The following LMBR1L variants were observed in gnomAD, a reference collection of about 807,000 sequenced individuals.
LMBR1L encodes protein LMBR1L.
A neutral mutation model predicts 67.3 loss-of-function variants in LMBR1L; 47 were observed. The observed-to-expected ratio is 0.70, with a 90% CI of 0.55 to 0.89. The LOEUF is 0.89. Ranked by LOEUF, LMBR1L falls within the 40% of genes least tolerant of loss-of-function variation. LMBR1L has a pLI of 0.00. For missense variants in LMBR1L, 533 were observed against 599.2 expected (o/e 0.89, Z 1.15); for synonymous variants, 247 against 250.3 (o/e 0.99, Z 0.13).
Position 49,100,591 on chromosome 12 carries a change from G to C in LMBR1L, c.1138C>G (p.Leu380Val). ...GFYSSPLFRSLRPRWHDTAMT... is the reference protein window; with the variant it reads ...GFYSSPLFRSVRPRWHDTAMT... The stretch of plus-strand genomic sequence containing the variant: ...GCAGTGTCGTGCCATCTGGGCCGCA[G>C]GCTCCGGAAGAGTGGAGAGCTATAG... The change falls in exon 14 of 17, where the codon CTG becomes GTG. Residue 380 changes from leucine (L) to valine (V), a missense_variant. By Grantham distance (32) the Leu-to-Val change is conservative. This residue lies in a region of LMBR1L where 223 missense variants were observed against 241.2 expected (regional missense o/e 0.92). Coordinates refer to ENST00000267102, the MANE Select transcript of LMBR1L (RefSeq NM_018113.4). The C allele has an allele frequency of 6.2e-7, 1 of 1,614,204 alleles. No homozygotes were observed. Among genetic ancestry groups the C allele is most frequent in the Non-Finnish European group, 8.5e-7 (1 of 1,180,022 alleles).
rs768648294 is a variant in LMBR1L at position 49,104,746 on chromosome 12, C to T, written c.331G>A (p.Gly111Ser). ...CAAGCAGCTTCCAGGAGCCACACAC[C>T]ATGGATGAGGGAGCCGTTGAGCCAC... ...IQWLNGSLIHGLWNLVFLFSN... is the reference protein window; with the variant it reads ...IQWLNGSLIHSLWNLVFLFSN... Residue 111 changes from glycine to serine, a missense_variant and splice_region_variant, in exon 4 of 17, where the codon GGC becomes AGC. Gly to Ser is a moderately conservative substitution (Grantham distance 56, BLOSUM62 0). Coordinates refer to ENST00000267102, the MANE Select transcript of LMBR1L (RefSeq NM_018113.4). The T allele has an allele frequency of 1.8e-5, 29 of 1,613,254 alleles. No individual in the cohort carries two copies. Among genetic ancestry groups the T allele is most frequent in the Non-Finnish European group, 2.4e-5 (28 of 1,179,694 alleles).
chr12:49,110,143 T>C (rs1305975849), intron 1 of LMBR1L: 1 of 525,876 alleles, frequency 1.9e-6, no homozygotes, highest in Admixed American at 2.3e-5. Context: ...AGCAAACCCA[T>C]CCTTCCCCGA....
Position 49,100,961 on chromosome 12 carries a change from TCAAG to T in LMBR1L, c.1082+285_1082+288del, listed in dbSNP as rs575269223. 3.6e-4 allele frequency: 205 copies of T among 573,366 alleles called. 2 individuals carry two copies. Among genetic ancestry groups the T allele is most frequent in the African/African-American group, 2.6e-3 (139 of 53,210 alleles). The allele number at this position is 573,366 out of a possible 1,614,324, so 35.5% of individuals were successfully genotyped here. ...TCAGGCTGGTCTTGAAATCCTAAACTCAAGCAATCTACCCGCCTCAGCCTCCCAA... is the reference window on the plus strand; with the variant it reads ...TCAGGCTGGTCTTGAAATCCTAAACTCAATCTACCCGCCTCAGCCTCCCAA... On this transcript the variant is annotated intron_variant, in intron 13 of 16. Transcript: ENST00000267102.
Position 49,103,709 on chromosome 12 carries a change from C to T in LMBR1L, c.540G>A (p.Lys180=), listed in dbSNP as rs1940520212. The change falls in exon 6 of 17, where the codon AAG becomes AAA. Residue 180 remains lysine (K), a synonymous_variant. Transcript: ENST00000267102. ...CACCATAGAGTGACTCTCTGTTGGC[C>T]TTGTTCTTGTCCACAATGGCTGATG... ...WVASAIVDKN[K]ANRESLYDFW... The T allele has an allele frequency of 1.9e-6, 3 of 1,613,950 alleles. No homozygotes were observed. The highest frequency in any genetic ancestry group is 2.5e-6 in the Non-Finnish European group (3 of 1,179,958).
At chr12:49,101,599 C>T in intron 11 of LMBR1L, 50 bp from the exon 12 acceptor site, 17 of 1,384,270 alleles carry the variant, frequency 1.2e-5, no homozygotes, top group Non-Finnish European at 1.7e-5. Context: ...CACAGCTGGA[C>T]CCAGAGCTAA....
In LMBR1L at chr12:49,101,483, G is replaced by A. The variant is rs143038753; in HGVS notation, c.997C>T (p.Arg333Ter). The change falls in exon 12 of 17, where the codon CGA (arginine) becomes TGA (stop). Residue 333 changes from arginine to a stop codon, truncating the protein, a stop_gained. Transcript: ENST00000267102. LOFTEE classifies it high-confidence loss of function. ...GGGCAGCCTGGTACCTGCATGCCTC[G>A]GGGCATGGCAGCCTCATCGATGAGC... The part of the protein sequence containing the change: ...ELLIDEAAMP[R>*]GMQGTSLGQV... 437 of 1,613,732 alleles carry A rather than the reference G, an allele frequency of 2.7e-4. 3 individuals are homozygous for A. The highest frequency in any genetic ancestry group is 3.3e-4 in the Non-Finnish European group (388 of 1,179,886).
At position 49,098,022 on chromosome 12, in the gene LMBR1L, C is replaced by T. The variant is rs1939623087; in HGVS notation, c.1324G>A (p.Ala442Thr). 1 of 1,614,188 alleles carries T rather than the reference C, an allele frequency of 6.2e-7. No homozygotes were observed. Among genetic ancestry groups the T allele is most frequent in the Non-Finnish European group, 8.5e-7 (1 of 1,180,030 alleles). The change falls in exon 16 of 17, where the codon GCC (alanine) becomes ACC (threonine). Residue 442 changes from alanine (A) to threonine (T), a missense_variant. Ala to Thr is a moderately conservative substitution (Grantham distance 58). Transcript: ENST00000267102. Reference protein sequence around the residue: ...NFYIVFLYNAAFAGLTTLCLV... With the variant: ...NFYIVFLYNATFAGLTTLCLV... ...CAGAGTGTGGTGAGGCCTGCAAAGG[C>T]TGCGTTGTAGAGGAACACAATGTAG... is the stretch of plus-strand genomic sequence containing the variant.
intron 13 of LMBR1L, 36 bp from the exon 14 acceptor site, chr12:49,100,682 A>G (rs769175208): frequency 2.2e-5 from 33 of 1,482,452 alleles, no homozygotes; most frequent in Non-Finnish European, 2.8e-5. Context: ...GCTGGCTCCA[A>G]GAATTAATAA....
At chr12:49,098,478 G>C (rs1270324647) in intron 15 of LMBR1L, among the ~76,000 whole-genome samples, 1 of 152,084 alleles carries the variant, frequency 6.6e-6, no homozygotes, top group Non-Finnish European at 1.5e-5. Flanking sequence ...AGGCTGCTTT[G>C]GTTCATATCC....
At chr12:49,104,212 C>T in intron 5 of LMBR1L, 2 of 547,464 alleles carry the variant, frequency 3.7e-6, no homozygotes, top group Non-Finnish European at 6.5e-6. Context: ...GACACTAAGA[C>T]AACAGCTCCT....
chr12:49,109,126 G>C (rs1015013578), intron 1 of LMBR1L, among the ~76,000 whole-genome samples: 13 of 152,172 alleles, frequency 8.5e-5, no homozygotes, highest in African/African-American at 3.1e-4. Flanking sequence ...CTCTAGATGA[G>C]AGCCAGGTGG....
In LMBR1L at chr12:49,102,924, A is replaced by G; in HGVS notation, c.659T>C (p.Met220Thr). 2 of 1,614,142 alleles carry G rather than the reference A, an allele frequency of 1.2e-6. No homozygotes were observed. The highest frequency in any genetic ancestry group is 2.2e-5 in the East Asian group (1 of 44,874). The change falls in exon 8 of 17, where the codon ATG becomes ACG. Residue 220 changes from methionine to threonine, a missense_variant. This residue lies in a region of LMBR1L where 64 missense variants were observed against 109.0 expected (regional missense o/e 0.59). Coordinates refer to ENST00000267102, the MANE Select transcript of LMBR1L (RefSeq NM_018113.4). The stretch of plus-strand genomic sequence containing the variant: ...TAGCAGCTTCCCAGTGACGGAGAAC[A>G]TGCGGGCGAGACCCAGTGGAGTACA... ...LVCTPLGLARMFSVTGKLLVK... is the reference protein window; with the variant it reads ...LVCTPLGLARTFSVTGKLLVK...
rs1459984981 is a variant in LMBR1L at position 49,101,477 on chromosome 12, T to C, written c.1003A>G (p.Met335Val). 1 of 1,613,934 alleles carries C rather than the reference T, an allele frequency of 6.2e-7. No individual in the cohort carries two copies. The highest frequency in any genetic ancestry group is 8.5e-7 in the Non-Finnish European group (1 of 1,179,886). ...LIDEAAMPRG[M>V]QGTSLGQVSF... ...GTGGGAGGGCAGCCTGGTACCTGCA[T>C]GCCTCGGGGCATGGCAGCCTCATCG... Residue 335 changes from methionine (M) to valine (V), a missense_variant, in exon 12 of 17, where the codon ATG (methionine) becomes GTG (valine). Coordinates refer to ENST00000267102, the MANE Select transcript of LMBR1L (RefSeq NM_018113.4).
intron 2 of LMBR1L, chr12:49,106,164 G>A: frequency 5.3e-6 from 3 of 570,546 alleles, no homozygotes; most frequent in Non-Finnish European, 9.3e-6. Context: ...GGTCCCAGGT[G>A]AAGAGAATAC....
At chr12:49,109,192 A>G (rs1941262920) in intron 1 of LMBR1L, among the ~76,000 whole-genome samples, 1 of 152,184 alleles carries the variant, frequency 6.6e-6, no homozygotes, top group South Asian at 2.1e-4. Context: ...TTCTCAGCTC[A>G]TGGGACTAAA....
chr12:49,100,608 G>A lies in LMBR1L; in HGVS notation c.1121C>T (p.Ser374Phe), dbSNP rs1457919822. 1.2e-6 allele frequency: 2 copies of A among 1,614,180 alleles called. No individual in the cohort carries two copies. The highest frequency in any genetic ancestry group is 3.3e-5 in the Admixed American group (2 of 60,022). ...GGGCCGCAGGCTCCGGAAGAGTGGA[G>A]AGCTATAGAAGCCCACAACTGAGGA... is the stretch of plus-strand genomic sequence containing the variant. ...MVSSVVGFYSSPLFRSLRPRW... is the reference protein window; with the variant it reads ...MVSSVVGFYSFPLFRSLRPRW... Residue 374 changes from serine to phenylalanine, a missense_variant, in exon 14 of 17, where the codon TCT becomes TTT. Physicochemically the swap from Ser to Phe is radical, Grantham distance 155. This residue lies in a region of LMBR1L where 223 missense variants were observed against 241.2 expected (regional missense o/e 0.92). Coordinates refer to ENST00000267102, the MANE Select transcript of LMBR1L (RefSeq NM_018113.4).
intron 15 of LMBR1L, among the ~76,000 whole-genome samples, chr12:49,098,874 T>C (rs1389244390): frequency 6.6e-6 from 1 of 152,190 alleles, no homozygotes; most frequent in Non-Finnish European, 1.5e-5. Flanking sequence ...TGGAGTGCAG[T>C]GGCACAGTCT....
intron 15 of LMBR1L, among the ~76,000 whole-genome samples, chr12:49,099,922 A>AATT (rs1939915779): frequency 6.6e-6 from 1 of 152,200 alleles, no homozygotes; most frequent in Non-Finnish European, 1.5e-5. Context: ...ATATAGCTCT[A>AATT]AAGGCAGGAG....
At chr12:49,109,538 A>T (rs1040427916) in intron 1 of LMBR1L, among the ~76,000 whole-genome samples, 1 of 152,218 alleles carries the variant, frequency 6.6e-6, no homozygotes, top group African/African-American at 2.4e-5. Flanking sequence ...GAATGACCCC[A>T]ACAATGGATT....
Sources: allele counts gnomAD v4.1 joint callset (sites outside exome capture counted in the v4.1 genomes callset), GRCh38; gene constraint gnomAD v4.1.1; regional missense constraint gnomAD v4.1.1; transcripts MANE v1.5; gene names NCBI Gene and HGNC (gene_info 2026-07-23, HGNC 2026-07-21).